ITCH: variants seen among roughly 807,000 people sequenced by gnomAD.
ITCH encodes E3 ubiquitin-protein ligase Itchy homolog.
In ITCH, 28 loss-of-function variants were observed where a neutral mutation model predicts 126.8. The observed-to-expected ratio is 0.22, with a 90% CI of 0.16 to 0.30. The LOEUF (loss-of-function observed/expected upper bound fraction) is 0.30. ITCH is among the 10% of genes least tolerant of loss of function. The pLI is 1.00. For missense variants in ITCH, 631 were observed against 1,032.4 expected (o/e 0.61, Z 5.33); for synonymous variants, 342 against 340.0 (o/e 1.01, Z -0.06).
intron 9 of ITCH, 39 bp downstream of exon 9, chr20:34,440,383 A>T (rs1457420594): frequency 7.1e-7 from 1 of 1,415,932 alleles, no homozygotes. Flanking sequence ...TGTCTTTAGG[A>T]TTCTTCATAA....
At chr20:34,436,310 C>T (rs1982996003) in intron 7 of ITCH, among the ~76,000 whole-genome samples, 1 of 152,166 alleles carries the variant, frequency 6.6e-6, no homozygotes, top group Non-Finnish European at 1.5e-5. Context: ...GGTCACATAA[C>T]TCATCAGTAG....
intron 5 of ITCH, among the ~76,000 whole-genome samples, chr20:34,413,104 T>C (rs1313893868): frequency 6.6e-6 from 1 of 152,096 alleles, no homozygotes; most frequent in East Asian, 1.9e-4. Flanking sequence ...AGTGTAGTTT[T>C]GAACTCCTGG....
chr20:34,417,645 C>T (rs1426885972), intron 6 of ITCH, among the ~76,000 whole-genome samples: 1 of 150,802 alleles, frequency 6.6e-6, no homozygotes, highest in African/African-American at 2.4e-5. Flanking sequence ...GTTGATCCGC[C>T]TGCCTAGGCC....
intron 3 of ITCH, among the ~76,000 whole-genome samples, chr20:34,394,876 G>C (rs1275921425): frequency 4.6e-5 from 7 of 152,128 alleles, no homozygotes; most frequent in Non-Finnish European, 8.8e-5. Flanking sequence ...GACAAAGTCT[G>C]TTTGGCCCAC....
intron 2 of ITCH, among the ~76,000 whole-genome samples, chr20:34,370,242 C>T (rs2037570427): frequency 6.6e-6 from 1 of 152,158 alleles, no homozygotes; most frequent in African/African-American, 2.4e-5. Flanking sequence ...CTTGCCAGAC[C>T]TCAGTTTATA....
intron 6 of ITCH, among the ~76,000 whole-genome samples, chr20:34,421,594 TTTGTTGTTG>T (rs35405455): frequency 7.9e-5 from 12 of 151,634 alleles, no homozygotes; most frequent in Non-Finnish European, 1.2e-4. Context: ...GTGTTAGATT[TTTGTTGTTG>T]TTGTTGTTGT....
chr20:34,426,601 C>T (rs891785737), intron 7 of ITCH, among the ~76,000 whole-genome samples: 2 of 151,684 alleles, frequency 1.3e-5, no homozygotes, highest in African/African-American at 2.4e-5. Flanking sequence ...GACAGGCATA[C>T]ACCACCATGC....
At chr20:34,478,438 C>G (rs1988430100) in intron 17 of ITCH, among the ~76,000 whole-genome samples, 1 of 152,182 alleles carries the variant, frequency 6.6e-6, no homozygotes. Flanking sequence ...AAGATAGTCT[C>G]TAATGAGAAT....
At chr20:34,403,247 C>A (rs973458699) in intron 3 of ITCH, among the ~76,000 whole-genome samples, 3 of 152,034 alleles carry the variant, frequency 2.0e-5, no homozygotes, top group Admixed American at 1.3e-4. Context: ...CGGATCCATT[C>A]TTTTTTTGTA....
At chr20:34,418,617 A>G (rs916196756) in intron 6 of ITCH, among the ~76,000 whole-genome samples, 2 of 152,146 alleles carry the variant, frequency 1.3e-5, no homozygotes, top group Non-Finnish European at 2.9e-5. Flanking sequence ...AACTAATTTT[A>G]TAGAGATAAA....
intron 12 of ITCH, among the ~76,000 whole-genome samples, chr20:34,456,176 GTGTGTGTGTATATATA>G (rs1427720011): frequency 1.2e-4 from 4 of 34,150 alleles, no homozygotes; most frequent in African/African-American, 9.3e-4. Flanking sequence ...GTGTGTGTGT[GTGTGTGTGTATATATA>G]TATATATATA....
chr20:34,443,934 T>C (rs2146300172), intron 10 of ITCH, among the ~76,000 whole-genome samples: 1 of 152,266 alleles, frequency 6.6e-6, no homozygotes, highest in Admixed American at 6.5e-5. Context: ...TACAGTGAGC[T>C]GTGATCATGC....
At chr20:34,444,573 G>A (rs530182884) in intron 10 of ITCH, among the ~76,000 whole-genome samples, 52 of 152,066 alleles carry the variant, frequency 3.4e-4, no homozygotes, top group Non-Finnish European at 6.6e-4. Flanking sequence ...GGCAACAAGA[G>A]GGAAACTCTG....
At chr20:34,406,202 A>G (rs1395770009) in intron 3 of ITCH, among the ~76,000 whole-genome samples, 1 of 151,384 alleles carries the variant, frequency 6.6e-6, no homozygotes. Context: ...TTTTAAAATT[A>G]TCTTTTGTAG....
At chr20:34,411,041 GA>G (rs1978957718) in intron 4 of ITCH, among the ~76,000 whole-genome samples, 1 of 151,988 alleles carries the variant, frequency 6.6e-6, no homozygotes, top group South Asian at 2.1e-4. Flanking sequence ...TTTGAGAATT[GA>G]ATTGAAACAA....
rs185050149 is a variant in ITCH at position 34,418,264 on chromosome 20, C to T, written c.475+4385C>T. Reference sequence around the variant, plus strand: ...ATAGGCACGAACCACCACTCCCGGCCACTTTTAACTTCCTGATTATAAAAT... The same window carrying T: ...ATAGGCACGAACCACCACTCCCGGCTACTTTTAACTTCCTGATTATAAAAT... On this transcript the variant is annotated intron_variant, in intron 6 of 24. Transcript: ENST00000374864. 1.2e-3 allele frequency among the ~76,000 whole-genome samples: 188 copies of T among 152,206 alleles called. 1 individual carries two copies. Among genetic ancestry groups the T allele is most frequent in the African/African-American group, 4.4e-3 (184 of 41,524 alleles).
intron 2 of ITCH, among the ~76,000 whole-genome samples, chr20:34,385,212 TG>T (rs1568872570): frequency 1.3e-4 from 19 of 141,448 alleles, no homozygotes; most frequent in African/African-American, 3.5e-4. Flanking sequence ...TGTGTGTGTG[TG>T]TGTGTGTGGT....
intron 1 of ITCH, among the ~76,000 whole-genome samples, chr20:34,364,724 C>CAAAAAAACAAAAAAAAAA (rs2037345332): frequency 2.2e-5 from 1 of 45,578 alleles, no homozygotes; most frequent in Non-Finnish European, 3.6e-5. Flanking sequence ...ACTAAAAATA[C>CAAAAAAACAAAAAAAAAA]AAAAAAAAAA....
chr20:34,473,957 A>G (rs1389384568), intron 16 of ITCH, among the ~76,000 whole-genome samples: 1 of 152,244 alleles, frequency 6.6e-6, no homozygotes, highest in Non-Finnish European at 1.5e-5. Context: ...GCCAGGTTAG[A>G]TCTCTGCCTT....
Sources: gnomAD v4.1 joint callset for allele counts (sites outside exome capture counted in the v4.1 genomes callset) on GRCh38, gnomAD v4.1.1 for gene constraint, MANE v1.5 for transcripts, NCBI Gene and HGNC (gene_info 2026-07-23, HGNC 2026-07-21) for gene names.